Variants in SLC11A2 observed in about 807,000 individuals in gnomAD.
The protein encoded by SLC11A2 is solute carrier family 11 member 2.
Under a neutral mutation model 68.0 loss-of-function variants are expected in SLC11A2, and 38 were observed. That is an observed-to-expected ratio of 0.56 (90% CI 0.43 to 0.73). SLC11A2 has a LOEUF of 0.73. Ranked by LOEUF, SLC11A2 falls within the 30% of genes least tolerant of loss-of-function variation. The pLI is 0.00. For synonymous variants in SLC11A2, 242 were observed against 250.6 expected (o/e 0.97, Z 0.32); for missense variants, 517 against 690.5 (o/e 0.75, Z 2.82).
At chr12:50,990,759 G>C in intron 15 of SLC11A2, 36 bp downstream of exon 15, 1 of 1,611,450 alleles carries the variant, frequency 6.2e-7, no homozygotes, top group Non-Finnish European at 8.5e-7. Flanking sequence ...AACCATCCCT[G>C]ATACCTATGC....
upstream of SLC11A2, among the ~76,000 whole-genome samples, chr12:51,027,547 A>G (rs1944440947): frequency 6.6e-6 from 1 of 152,100 alleles, no homozygotes; most frequent in Non-Finnish European, 1.5e-5. Context: ...TTCTCCCCAG[A>G]CTTCATCCTA....
At position 51,026,365 on chromosome 12, in the gene SLC11A2, C is replaced by G; in HGVS notation, c.-94G>C. ...GCCCCCGCGCCCAGGGCTCCATATT[C>G]CGGGAGCCAGCGCCACGCTGGCTAA... On this transcript the variant is annotated 5_prime_UTR_variant, in exon 1 of 16. Transcript: ENST00000262052. 1.6e-6 allele frequency: 2 copies of G among 1,282,084 alleles called. No homozygotes were observed. Among genetic ancestry groups the G allele is most frequent in the Non-Finnish European group, 2.0e-6 (2 of 984,508 alleles). 79.4% of individuals were successfully genotyped at this position (1,282,084 alleles called of 1,614,324 possible). A position where few individuals can be genotyped will look rare whatever the true frequency, so the allele number is the denominator to read the frequency against.
downstream of SLC11A2, among the ~76,000 whole-genome samples, chr12:50,984,828 A>G (rs1940393583): frequency 6.6e-6 from 1 of 152,216 alleles, no homozygotes; most frequent in Non-Finnish European, 1.5e-5. Context: ...TCAGAGTATG[A>G]AACAAATGCT....
At chr12:51,005,159 G>C (rs1195559355) in intron 4 of SLC11A2, 152 bp downstream of exon 4, 1 of 917,522 alleles carries the variant, frequency 1.1e-6, no homozygotes, top group Non-Finnish European at 1.7e-6. Context: ...ATAAAAATAA[G>C]ACCAAATGGA....
chr12:51,019,121 C>T (rs1313153668), intron 1 of SLC11A2, among the ~76,000 whole-genome samples: 1 of 152,222 alleles, frequency 6.6e-6, no homozygotes, highest in East Asian at 1.9e-4. Context: ...CCTCTTGACA[C>T]TGTTCAGTTC....
At chr12:50,963,255 A>C in the SLC11A2 span, among the ~76,000 whole-genome samples, 1 of 151,456 alleles carries the variant, frequency 6.6e-6, no homozygotes, top group Non-Finnish European at 1.5e-5. Context: ...CTGTAATCCC[A>C]GCTACTCAGG....
the SLC11A2 span, among the ~76,000 whole-genome samples, chr12:50,962,506 C>T: frequency 2.0e-5 from 3 of 152,140 alleles, no homozygotes; most frequent in South Asian, 6.2e-4. Context: ...TCAAGACCAG[C>T]CTGGCCAACA....
the SLC11A2 span, among the ~76,000 whole-genome samples, chr12:50,964,145 AG>A: frequency 0.17 from 25,174 of 152,204 alleles, 2,151 homozygotes; most frequent in South Asian, 0.27. Flanking sequence ...CGTGGGGAAT[AG>A]AAAAAAATTG....
chr12:51,016,306 G>A (rs1431322903), intron 1 of SLC11A2, among the ~76,000 whole-genome samples: 2 of 152,040 alleles, frequency 1.3e-5, no homozygotes, highest in African/African-American at 2.4e-5. Context: ...CAGCACTTTC[G>A]GAGGCTGAGG....
upstream of SLC11A2, among the ~76,000 whole-genome samples, chr12:51,027,391 A>ACAT (rs1445041487): frequency 6.6e-6 from 1 of 151,692 alleles, no homozygotes; most frequent in Non-Finnish European, 1.5e-5. Flanking sequence ...CCCCAGAGCC[A>ACAT]CATCATAGTA....
the SLC11A2 span, among the ~76,000 whole-genome samples, chr12:50,963,274 G>C: frequency 6.8e-6 from 1 of 146,066 alleles, no homozygotes; most frequent in Non-Finnish European, 1.5e-5. Context: ...GGAGGCTGAA[G>C]TAGGAGAATT....
chr12:51,025,797 G>A (rs755106283), intron 1 of SLC11A2: 1 of 986,316 alleles, frequency 1.0e-6, no homozygotes. Flanking sequence ...GCGTATGCAG[G>A]CTATTCACAC....
Position 51,026,331 on chromosome 12 carries a change from T to A in SLC11A2, c.-60A>T. ...TCACCTTACCAGCTCCGCAACCACC[T>A]GACACGCCGCCCCCGCGCCCAGGGC... is the stretch of plus-strand genomic sequence containing the variant. On this transcript the variant is annotated 5_prime_UTR_variant, in exon 1 of 16. Transcript: ENST00000262052. 1.6e-6 allele frequency: 2 copies of A among 1,272,968 alleles called. No homozygotes were observed. Among genetic ancestry groups the A allele is most frequent in the South Asian group, 1.2e-5 (1 of 80,310 alleles). The allele number at this position is 1,272,968 out of a possible 1,614,324, so 78.9% of individuals were successfully genotyped here.
At chr12:51,027,287 C>A (rs1944432453), upstream of SLC11A2, among the ~76,000 whole-genome samples, 1 of 151,930 alleles carries the variant, frequency 6.6e-6, no homozygotes, top group Admixed American at 6.6e-5. Context: ...TGCGGTGAGA[C>A]AAGATCGTGC....
intron 2 of SLC11A2, 29 bp downstream of exon 2, chr12:51,010,666 T>C (rs774574882): frequency 7.9e-7 from 1 of 1,264,912 alleles, no homozygotes; most frequent in Non-Finnish European, 1.2e-6. Context: ...ACAAATAAAA[T>C]TAGACAATAA....
chr12:50,986,566 T>A lies in SLC11A2; in HGVS notation c.*1759A>T. 1 of 1,287,026 alleles carries A rather than the reference T, an allele frequency of 7.8e-7. No individual in the cohort carries two copies. 79.7% of individuals were successfully genotyped at this position (1,287,026 alleles called of 1,614,324 possible). A position where few individuals can be genotyped will look rare whatever the true frequency, so the allele number is the denominator to read the frequency against. On this transcript the variant is annotated 3_prime_UTR_variant, in exon 16 of 16. Transcript: ENST00000262052. ...GATACATGTTACCATATCATCTTTA[T>A]AAAGAATTTTTTTTTTGTCGTCAGT...
Position 50,995,633 on chromosome 12 carries a change from T to C in SLC11A2, c.986A>G (p.Gln329Arg). 6.2e-7 allele frequency: 1 copy of C among 1,614,120 alleles called. No individual in the cohort carries two copies. The highest frequency in any genetic ancestry group is 1.3e-5 in the African/African-American group (1 of 75,038). The change falls in exon 10 of 16, where the codon CAG becomes CGG. Residue 329 changes from glutamine to arginine, a missense_variant. Gln to Arg is a conservative substitution (Grantham distance 43). Coordinates refer to ENST00000262052, the MANE Select transcript of SLC11A2 (RefSeq NM_000617.3). Reference protein sequence around the residue: ...AEAFFGKTNEQVVEVCTNTSS... With the variant: ...AEAFFGKTNERVVEVCTNTSS... ...CCATAACCCTGGCTTACTCACCACCTGCTCGTTGGTTTTCCCAAAAAATGC... is the reference window on the plus strand; with the variant it reads ...CCATAACCCTGGCTTACTCACCACCCGCTCGTTGGTTTTCCCAAAAAATGC...
downstream of SLC11A2, among the ~76,000 whole-genome samples, chr12:50,982,351 T>A (rs1019591636): frequency 2.0e-5 from 3 of 151,990 alleles, no homozygotes. Context: ...CCCAGCTGGG[T>A]GCGGTGGCTC....
chr12:51,002,411 A>G (rs1183104910), intron 5 of SLC11A2, among the ~76,000 whole-genome samples: 1 of 151,722 alleles, frequency 6.6e-6, no homozygotes, highest in Non-Finnish European at 1.5e-5. Flanking sequence ...GGCTAAGGCA[A>G]GTGGATCACT....
Sources: allele counts gnomAD v4.1 joint callset (sites outside exome capture counted in the v4.1 genomes callset), GRCh38; gene constraint gnomAD v4.1.1; transcripts MANE v1.5; gene names NCBI Gene and HGNC (gene_info 2026-07-23, HGNC 2026-07-21).